Variants in DYNC2I1 observed in about 807,000 individuals in gnomAD.
DYNC2I1 encodes the protein cytoplasmic dynein 2 intermediate chain 1.
A neutral mutation model predicts 133.4 loss-of-function variants in DYNC2I1; 89 were observed. The ratio of observed to expected loss-of-function variants is 0.67; its 90% CI spans 0.56 to 0.80. The LOEUF (loss-of-function observed/expected upper bound fraction) is 0.80. Ranked by LOEUF, DYNC2I1 falls within the 30% of genes least tolerant of loss-of-function variation. The probability of loss-of-function intolerance (pLI) is 0.00; values close to 1 mark genes in which losing one functional copy is unlikely to be tolerated. For synonymous variants in DYNC2I1, 504 were observed against 484.3 expected (o/e 1.04, Z -0.54); for missense variants, 1,291 against 1,314.5 (o/e 0.98, Z 0.28).
At chr7:158,865,351 G>T (rs895929426) in intron 1 of DYNC2I1, among the ~76,000 whole-genome samples, 4 of 152,212 alleles carry the variant, frequency 2.6e-5, no homozygotes, top group Middle Eastern at 3.2e-3. Context: ...AAATCAAAGG[G>T]ATGTAAACAT....
intron 23 of DYNC2I1, among the ~76,000 whole-genome samples, chr7:158,936,801 A>G (rs2129488134): frequency 6.6e-6 from 1 of 152,360 alleles, no homozygotes; most frequent in Middle Eastern, 3.4e-3. Context: ...CATTTGGGAC[A>G]GGCCTCCCTC....
the DYNC2I1 span, among the ~76,000 whole-genome samples, chr7:158,846,314 A>C: frequency 1.3e-5 from 2 of 152,274 alleles, no homozygotes; most frequent in African/African-American, 4.8e-5. Context: ...GAAATAAGAG[A>C]GTTGTAAAGA....
chr7:158,854,119 G>A (rs573906044), upstream of DYNC2I1, among the ~76,000 whole-genome samples: 1 of 152,250 alleles, frequency 6.6e-6, no homozygotes, highest in South Asian at 2.1e-4. Context: ...CAGTTCCTAA[G>A]TGGGGGTCAC....
intron 1 of DYNC2I1, among the ~76,000 whole-genome samples, chr7:158,864,263 A>G (rs1438149309): frequency 1.3e-5 from 2 of 152,116 alleles, no homozygotes; most frequent in African/African-American, 4.8e-5. Context: ...AGTGTCATGC[A>G]GGGAACAGGA....
chr7:158,940,891 C>G (rs1330673704), intron 23 of DYNC2I1, among the ~76,000 whole-genome samples: 1 of 152,010 alleles, frequency 6.6e-6, no homozygotes, highest in African/African-American at 2.4e-5. Flanking sequence ...AGAAAGACTT[C>G]AAATAAACAA....
At chr7:158,941,559 C>A (rs1255624406) in intron 23 of DYNC2I1, among the ~76,000 whole-genome samples, 3 of 152,158 alleles carry the variant, frequency 2.0e-5, no homozygotes, top group Non-Finnish European at 2.9e-5. Flanking sequence ...CAAAAAATTT[C>A]TCTGGCTGCT....
intron 6 of DYNC2I1, among the ~76,000 whole-genome samples, chr7:158,885,682 T>G (rs1011667474): frequency 6.6e-6 from 1 of 152,220 alleles, no homozygotes; most frequent in African/African-American, 2.4e-5. Context: ...ATTTGTTCTT[T>G]CTGACAATCA....
chr7:158,922,992 G>GT (rs1293538634), intron 16 of DYNC2I1, among the ~76,000 whole-genome samples: 1 of 152,196 alleles, frequency 6.6e-6, no homozygotes, highest in Non-Finnish European at 1.5e-5. Context: ...CTTAGACTGT[G>GT]TTGAAGTGTG....
rs1172350160 is a variant in DYNC2I1, at chr7:158,926,421, C to G, written c.2391C>G (p.Phe797Leu). The change falls in exon 19 of 25, where the codon TTC becomes TTG. Residue 797 changes from phenylalanine (F) to leucine (L), a missense_variant. Phe to Leu is a conservative substitution (Grantham distance 22). Transcript: ENST00000407559. ...CATCAGAAATGTCAGGTTTGTCCTTCCACATCGCTTCCTTGGATGAGAGTG... is the reference window on the plus strand; with the variant it reads ...CATCAGAAATGTCAGGTTTGTCCTTGCACATCGCTTCCTTGGATGAGAGTG... Reference protein sequence around the residue: ...STQEEMSGLSFHIASLDESGV... With the variant: ...STQEEMSGLSLHIASLDESGV... 6.2e-7 allele frequency: 1 copy of G among 1,613,370 alleles called. No individual in the cohort carries two copies. Among genetic ancestry groups the G allele is most frequent in the East Asian group, 2.2e-5 (1 of 44,884 alleles).
chr7:158,878,260 A>G (rs1412921162), intron 4 of DYNC2I1, among the ~76,000 whole-genome samples: 1 of 140,592 alleles, frequency 7.1e-6, no homozygotes, highest in African/African-American at 2.7e-5. Flanking sequence ...GCTGGGTGCC[A>G]TGTGGAGAGG....
chr7:158,953,995 C>T (rs533308632), intron 4 of DYNC2I1, among the ~76,000 whole-genome samples: 70 of 152,288 alleles, frequency 4.6e-4, no homozygotes, highest in African/African-American at 1.6e-3. Context: ...GTAATCCCCA[C>T]GTGTTTTCAG....
intron 15 of DYNC2I1, among the ~76,000 whole-genome samples, chr7:158,920,995 C>T (rs73512426): frequency 0.01 from 1,544 of 152,276 alleles, 16 homozygotes; most frequent in African/African-American, 0.034. Flanking sequence ...TGTTCTGTAG[C>T]GGGTGCTATG....
At chr7:158,943,652 A>G (rs968884390) in intron 24 of DYNC2I1, among the ~76,000 whole-genome samples, 4 of 152,140 alleles carry the variant, frequency 2.6e-5, no homozygotes, top group African/African-American at 9.7e-5. Flanking sequence ...CAGGAGCCCC[A>G]GCTCTGTGTG....
rs370228557 is a variant in DYNC2I1 at position 158,871,196 on chromosome 7, C to T, written c.124C>T (p.Arg42Cys). Residue 42 changes from arginine (R) to cysteine (C), a missense_variant, in exon 3 of 25, where the codon CGT (arginine) becomes TGT (cysteine). Physicochemically the swap from Arg to Cys is radical, Grantham distance 180 (BLOSUM62 -3). Transcript: ENST00000407559. Reference protein sequence around the residue: ...EERKHREKKLRKESEMDLPEH... With the variant: ...EERKHREKKLCKESEMDLPEH... ...AAGAAAGCACAGAGAGAAGAAGCTG[C>T]GTAAGGAGTCTGAGATGGACCTTCC... 9.9e-6 allele frequency: 16 copies of T among 1,613,548 alleles called. No homozygotes were observed. Among genetic ancestry groups the T allele is most frequent in the Middle Eastern group, 1.6e-4 (1 of 6,084 alleles).
intron 23 of DYNC2I1, among the ~76,000 whole-genome samples, chr7:158,936,816 A>C (rs1396377744): frequency 1.3e-5 from 2 of 152,180 alleles, no homozygotes; most frequent in Non-Finnish European, 2.9e-5. Context: ...TCCCTCAATC[A>C]CTAAATACAG....
chr7:158,865,527 C>A (rs1251605341), intron 1 of DYNC2I1, among the ~76,000 whole-genome samples: 1 of 152,224 alleles, frequency 6.6e-6, no homozygotes, highest in Non-Finnish European at 1.5e-5. Context: ...ATGAAGGATG[C>A]TGGCCCAGGA....
At chr7:158,920,756 G>T (rs957750529) in intron 15 of DYNC2I1, among the ~76,000 whole-genome samples, 4 of 152,200 alleles carry the variant, frequency 2.6e-5, no homozygotes, top group Non-Finnish European at 4.4e-5. Context: ...TGCAAGAGAG[G>T]CATGAGACGG....
At chr7:158,871,808 T>C (rs1262518789) in intron 3 of DYNC2I1, among the ~76,000 whole-genome samples, 2 of 152,196 alleles carry the variant, frequency 1.3e-5, no homozygotes, top group African/African-American at 4.8e-5. Flanking sequence ...AGGACTGGCA[T>C]TACAGACATG....
chr7:158,937,978 A>T (rs965083639), intron 23 of DYNC2I1, among the ~76,000 whole-genome samples: 1 of 152,224 alleles, frequency 6.6e-6, no homozygotes, highest in Non-Finnish European at 1.5e-5. Context: ...ACAAGACAGA[A>T]AATAACCACA....
Sources: allele counts gnomAD v4.1 joint callset (sites outside exome capture counted in the v4.1 genomes callset), GRCh38; gene constraint gnomAD v4.1.1; transcripts MANE v1.5; gene names NCBI Gene and HGNC (gene_info 2026-07-23, HGNC 2026-07-21).